The following ADGRL2 variants were observed in gnomAD, a reference collection of about 807,000 sequenced individuals.
The protein encoded by ADGRL2 is calcium-independent alpha-latrotoxin receptor 2.
ADGRL2 carries 44 observed loss-of-function variants against 157.4 expected under a neutral mutation model. The observed-to-expected ratio is 0.28, with a 90% CI of 0.22 to 0.36. The LOEUF (loss-of-function observed/expected upper bound fraction) is 0.36, where lower values mean the gene tolerates loss of function less well. Among genes scored for constraint, ADGRL2 ranks in the 10% least tolerant of loss-of-function variants. ADGRL2 has a pLI of 1.00. For synonymous variants in ADGRL2, 585 were observed against 624.7 expected (o/e 0.94, Z 0.95); for missense variants, 1,510 against 1,768.9 (o/e 0.85, Z 2.63).
chr1:81,562,087 T>C (rs1471400234), intron 2 of ADGRL2, among the ~76,000 whole-genome samples: 1 of 152,116 alleles, frequency 6.6e-6, no homozygotes, highest in African/African-American at 2.4e-5. Context: ...AGTAACCCAA[T>C]CAACATTTAC....
chr1:81,427,952 T>C (rs1455331540), intron 1 of ADGRL2, among the ~76,000 whole-genome samples: 1 of 152,180 alleles, frequency 6.6e-6, no homozygotes, highest in Non-Finnish European at 1.5e-5. Context: ...ATTGCGGTGG[T>C]GGTAACAGGA....
At chr1:81,600,600 A>G (rs2081315747) in intron 3 of ADGRL2, among the ~76,000 whole-genome samples, 1 of 152,272 alleles carries the variant, frequency 6.6e-6, no homozygotes, top group Non-Finnish European at 1.5e-5. Flanking sequence ...ATAATAATTT[A>G]GAGACTAATA....
At chr1:81,512,205 T>G (rs977350465) in intron 2 of ADGRL2, among the ~76,000 whole-genome samples, 1 of 152,244 alleles carries the variant, frequency 6.6e-6, no homozygotes, top group Non-Finnish European at 1.5e-5. Context: ...TTTGTTTCCT[T>G]ATAATCAACT....
Position 81,501,674 on chromosome 1 carries a change from C to T in ADGRL2, c.-248+56585C>T, listed in dbSNP as rs564636203. 2.0e-6 allele frequency: 3 copies of T among 1,520,606 alleles called. No homozygotes were observed. In the African/African-American group the frequency reaches 4.1e-5, roughly 21 times the overall value. 94.2% of individuals were successfully genotyped at this position (1,520,606 alleles called of 1,614,324 possible). A position where few individuals can be genotyped will look rare whatever the true frequency, so the allele number is the denominator to read the frequency against. On this transcript the variant is annotated intron_variant, in intron 2 of 24. Transcript: ENST00000370721. ...GGCCGCCTCCTCCGCCACCCGAAAA[C>T]CCGGAGTGCCCCGCACAGGTTTAGA...
At chr1:81,627,038 A>G (rs987508315) in intron 3 of ADGRL2, among the ~76,000 whole-genome samples, 3 of 152,090 alleles carry the variant, frequency 2.0e-5, no homozygotes, top group Admixed American at 2.0e-4. Flanking sequence ...TACACATCCC[A>G]CTTCAAAGGG....
chr1:81,393,818 CTT>C (rs35350823), intron 1 of ADGRL2, among the ~76,000 whole-genome samples: 10,140 of 126,556 alleles, frequency 0.08, 884 homozygotes, highest in African/African-American at 0.23. Flanking sequence ...TATTGCCTTG[CTT>C]TTTTTTTTTT....
At chr1:81,673,816 C>T (rs146763353) in intron 3 of ADGRL2, among the ~76,000 whole-genome samples, 35 of 152,270 alleles carry the variant, frequency 2.3e-4, no homozygotes, top group African/African-American at 8.4e-4. Flanking sequence ...TGCACCCAGC[C>T]TCTTCTAGTT....
chr1:81,530,187 A>G (rs1433611961), intron 2 of ADGRL2, among the ~76,000 whole-genome samples: 1 of 152,032 alleles, frequency 6.6e-6, no homozygotes, highest in African/African-American at 2.4e-5. Flanking sequence ...GGATGAATGT[A>G]CCCTCTTCTC....
intron 2 of ADGRL2, among the ~76,000 whole-genome samples, chr1:81,534,172 AT>A (rs929380225): frequency 6.6e-6 from 1 of 151,334 alleles, no homozygotes; most frequent in African/African-American, 2.4e-5. Context: ...TTTATTTTTT[AT>A]TTTTTTGAAA....
intron 2 of ADGRL2, among the ~76,000 whole-genome samples, chr1:81,889,570 G>GA (rs138126378): frequency 0.2 from 31,187 of 152,158 alleles, 3,918 homozygotes; most frequent in Non-Finnish European, 0.27. Context: ...CCATAACATA[G>GA]AAGTGGGAGG....
intron 8 of ADGRL2, 86 bp from the exon 9 acceptor site, chr1:81,951,871 T>A (rs1651929155): frequency 9.3e-7 from 1 of 1,071,814 alleles, no homozygotes; most frequent in Non-Finnish European, 1.3e-6. Context: ...CAAATTTTTT[T>A]CACCACAATA....
intron 1 of ADGRL2, among the ~76,000 whole-genome samples, chr1:81,403,060 G>A (rs577274221): frequency 6.6e-5 from 10 of 152,146 alleles, no homozygotes; most frequent in African/African-American, 2.4e-4. Context: ...GTGTAGAACG[G>A]AAAGGTTCAC....
At chr1:81,791,044 G>A (rs1478303419) in intron 2 of ADGRL2, among the ~76,000 whole-genome samples, 1 of 124,832 alleles carries the variant, frequency 8.0e-6, no homozygotes, top group Admixed American at 9.2e-5. Context: ...TCCAGCCTGG[G>A]TGATGCAGCA....
chr1:81,854,733 C>G (rs182797652), intron 2 of ADGRL2, among the ~76,000 whole-genome samples: 1 of 152,230 alleles, frequency 6.6e-6, no homozygotes, highest in Admixed American at 6.5e-5. Flanking sequence ...AGCTGAAACT[C>G]AAACAGCAGA....
intron 2 of ADGRL2, among the ~76,000 whole-genome samples, chr1:81,842,701 A>T (rs967723077): frequency 6.6e-6 from 1 of 152,032 alleles, no homozygotes; most frequent in East Asian, 1.9e-4. Flanking sequence ...ATTTTGAAAA[A>T]TTTACACCAA....
At chr1:81,423,956 T>C (rs1239341621) in intron 1 of ADGRL2, among the ~76,000 whole-genome samples, 1 of 152,256 alleles carries the variant, frequency 6.6e-6, no homozygotes, top group Non-Finnish European at 1.5e-5. Context: ...TCTACCAATG[T>C]ATCAGGCTTT....
intron 3 of ADGRL2, among the ~76,000 whole-genome samples, chr1:81,687,450 A>T (rs779278340): frequency 2.8e-4 from 43 of 152,210 alleles, no homozygotes; most frequent in Non-Finnish European, 6.2e-4. Flanking sequence ...GTCTGATACA[A>T]GAATAGCTAC....
intron 6 of ADGRL2, among the ~76,000 whole-genome samples, chr1:81,944,880 AC>A (rs1468295134): frequency 2.0e-5 from 3 of 152,072 alleles, no homozygotes; most frequent in Non-Finnish European, 4.4e-5. Context: ...ATATTGTCAT[AC>A]GGTCAGGACC....
chr1:81,981,358 T>G (rs1661624279), intron 18 of ADGRL2, among the ~76,000 whole-genome samples: 1 of 151,894 alleles, frequency 6.6e-6, no homozygotes, highest in African/African-American at 2.4e-5. Flanking sequence ...TAAGACTAGT[T>G]TATTAGAATC....
Sources: gnomAD v4.1 joint callset for allele counts (sites outside exome capture counted in the v4.1 genomes callset) on GRCh38, gnomAD v4.1.1 for gene constraint, MANE v1.5 for transcripts, NCBI Gene and HGNC (gene_info 2026-07-23, HGNC 2026-07-21) for gene names.